The following LYPD6 variants were observed in gnomAD, a reference collection of about 807,000 sequenced individuals.
LYPD6 encodes the protein ly6/PLAUR domain-containing protein 6.
Under a neutral mutation model 22.7 loss-of-function variants are expected in LYPD6, and 15 were observed. That is an observed-to-expected ratio of 0.66 (90% confidence interval 0.44 to 1.02). LYPD6 has a LOEUF of 1.02. Ranked by LOEUF, LYPD6 falls within the 50% of genes least tolerant of loss-of-function variation. LYPD6 has a pLI of 0.00. For missense variants in LYPD6, 189 were observed against 208.4 expected (o/e 0.91, Z 0.57); for synonymous variants, 72 against 77.5 (o/e 0.93, Z 0.37).
intron 1 of LYPD6, among the ~76,000 whole-genome samples, chr2:149,425,978 G>A (rs559984978): frequency 1.3e-5 from 2 of 152,298 alleles, no homozygotes; most frequent in East Asian, 3.9e-4. Flanking sequence ...TGGAGGATAT[G>A]TACACACATA....
chr2:149,476,554 A>G (rs143105201), downstream of LYPD6, among the ~76,000 whole-genome samples: 31 of 152,180 alleles, frequency 2.0e-4, no homozygotes, highest in South Asian at 1.2e-3. Flanking sequence ...TGTGTTGTCT[A>G]AGTGGGGAAA....
At chr2:149,454,584 C>T (rs551037702) in intron 3 of LYPD6, among the ~76,000 whole-genome samples, 2 of 152,144 alleles carry the variant, frequency 1.3e-5, no homozygotes, top group Admixed American at 6.5e-5. Flanking sequence ...TGTTCATATG[C>T]GTTTCTGCTA....
intron 1 of LYPD6, among the ~76,000 whole-genome samples, chr2:149,353,203 A>G (rs554061343): frequency 6.6e-6 from 1 of 152,316 alleles, no homozygotes; most frequent in Admixed American, 6.5e-5. Context: ...GTGAAGTTCA[A>G]TGTTTATCAT....
intron 1 of LYPD6, among the ~76,000 whole-genome samples, chr2:149,393,914 T>C (rs1434666897): frequency 6.6e-6 from 1 of 152,162 alleles, no homozygotes; most frequent in East Asian, 1.9e-4. Flanking sequence ...TTTGCTCTCC[T>C]TTCTGGTGAG....
chr2:149,468,132 A>AACAC (rs58309346), intron 3 of LYPD6, among the ~76,000 whole-genome samples: 13,191 of 114,488 alleles, frequency 0.12, 1,016 homozygotes, highest in Middle Eastern at 0.15. Context: ...GCTTCCCCCC[A>AACAC]ACACACACAC....
chr2:149,440,634 T>A (rs1180476840), intron 2 of LYPD6, among the ~76,000 whole-genome samples: 1 of 151,704 alleles, frequency 6.6e-6, no homozygotes, highest in Non-Finnish European at 1.5e-5. Context: ...AAATTGTTGT[T>A]AGAGTGAAGT....
downstream of LYPD6, among the ~76,000 whole-genome samples, chr2:149,477,394 G>A (rs1306776136): frequency 3.9e-5 from 6 of 151,978 alleles, no homozygotes; most frequent in Non-Finnish European, 5.9e-5. Flanking sequence ...AGGCCAAGGA[G>A]GGCAGATCAC....
At chr2:149,376,888 A>G (rs1238849968) in intron 1 of LYPD6, among the ~76,000 whole-genome samples, 1 of 152,280 alleles carries the variant, frequency 6.6e-6, no homozygotes, top group Admixed American at 6.5e-5. Flanking sequence ...ATTTAATTAA[A>G]TATGGAGCAA....
chr2:149,475,377 A>G (rs1384564929), downstream of LYPD6, among the ~76,000 whole-genome samples: 4 of 152,184 alleles, frequency 2.6e-5, no homozygotes, highest in Non-Finnish European at 5.9e-5. Flanking sequence ...ATGAAGCATC[A>G]TGACTTCACC....
chr2:149,340,519 T>A (rs1383364389), intron 1 of LYPD6, among the ~76,000 whole-genome samples: 1 of 152,158 alleles, frequency 6.6e-6, no homozygotes, highest in Non-Finnish European at 1.5e-5. Flanking sequence ...AGTGTAATTC[T>A]GCCTCCACCA....
intron 3 of LYPD6, among the ~76,000 whole-genome samples, chr2:149,458,445 G>T (rs900595182): frequency 1.1e-4 from 17 of 152,086 alleles, no homozygotes; most frequent in African/African-American, 4.1e-4. Context: ...GAGGCTACAT[G>T]GGAAGCATTA....
At chr2:149,361,246 T>G (rs1266927723) in intron 1 of LYPD6, among the ~76,000 whole-genome samples, 2 of 152,266 alleles carry the variant, frequency 1.3e-5, no homozygotes, top group East Asian at 3.9e-4. Flanking sequence ...TAAGATTCCT[T>G]ATATAGATTT....
chr2:149,428,982 A>G (rs1683245109), intron 1 of LYPD6, among the ~76,000 whole-genome samples: 2 of 152,300 alleles, frequency 1.3e-5, no homozygotes, highest in South Asian at 4.1e-4. Context: ...TAATGAGGTT[A>G]TTCAAACTCT....
At chr2:149,391,767 G>A (rs1355977159) in intron 1 of LYPD6, among the ~76,000 whole-genome samples, 2 of 152,156 alleles carry the variant, frequency 1.3e-5, no homozygotes, top group Non-Finnish European at 2.9e-5. Context: ...GCTGGCAGAA[G>A]CTTTCTGGAA....
intron 1 of LYPD6, among the ~76,000 whole-genome samples, chr2:149,351,665 T>C (rs1327535260): frequency 6.6e-6 from 1 of 152,088 alleles, no homozygotes; most frequent in Non-Finnish European, 1.5e-5. Context: ...ATACAAAATG[T>C]GTATGTATTG....
At chr2:149,419,679 A>G (rs947389376) in intron 1 of LYPD6, among the ~76,000 whole-genome samples, 3 of 152,236 alleles carry the variant, frequency 2.0e-5, no homozygotes, top group Non-Finnish European at 4.4e-5. Flanking sequence ...TCTCATGCAC[A>G]GACAAGCTGG....
chr2:149,422,431 C>G (rs1683101432), intron 1 of LYPD6, among the ~76,000 whole-genome samples: 2 of 152,112 alleles, frequency 1.3e-5, no homozygotes, highest in Non-Finnish European at 2.9e-5. Context: ...GGCCTGGGGT[C>G]TCTCTGCTCT....
chr2:149,359,467 GAAAATAGTGTCTCAGAT>G (rs899984313), intron 1 of LYPD6, among the ~76,000 whole-genome samples: 1 of 152,220 alleles, frequency 6.6e-6, no homozygotes, highest in African/African-American at 2.4e-5. Flanking sequence ...AAACTGAGGA[GAAAATAGTGTCTCAGAT>G]ATTAGACACA....
chr2:149,378,175 A>T (rs1242408966), intron 1 of LYPD6, among the ~76,000 whole-genome samples: 2 of 152,154 alleles, frequency 1.3e-5, no homozygotes, highest in African/African-American at 4.8e-5. Context: ...GGAATGTAGT[A>T]GCACAATCAC....
Sources: allele counts gnomAD v4.1 joint callset (sites outside exome capture counted in the v4.1 genomes callset), GRCh38; gene constraint gnomAD v4.1.1; transcripts MANE v1.5; gene names NCBI Gene and HGNC (gene_info 2026-07-23, HGNC 2026-07-21).